The following RPS6KA2 variants were observed in gnomAD, a reference collection of about 807,000 sequenced individuals.
RPS6KA2 encodes the protein ribosomal protein S6 kinase alpha-2.
In RPS6KA2, 42 loss-of-function variants were observed where a neutral mutation model predicts 91.8. The observed-to-expected ratio is 0.46, with a 90% CI of 0.36 to 0.59. The LOEUF (loss-of-function observed/expected upper bound fraction) is 0.59. Among genes scored for constraint, RPS6KA2 ranks in the 20% least tolerant of loss-of-function variants. RPS6KA2 has a pLI of 0.00. For missense variants in RPS6KA2, 798 were observed against 978.5 expected (o/e 0.82, Z 2.46); for synonymous variants, 414 against 393.6 (o/e 1.05, Z -0.61).
chr6:166,526,341 CTT>C (rs10616497), intron 3 of RPS6KA2, among the ~76,000 whole-genome samples: 1,865 of 101,482 alleles, frequency 0.018, 9 homozygotes, highest in African/African-American at 0.065. Flanking sequence ...GTTTATATGG[CTT>C]TTTTTTTTTT....
chr6:166,432,538 C>T (rs750910641), intron 14 of RPS6KA2, 48 bp from the exon 15 acceptor site: 9 of 1,196,550 alleles, frequency 7.5e-6, no homozygotes, highest in East Asian at 4.7e-5. Flanking sequence ...TTTAGGCTTT[C>T]GGGTGGTATC....
chr6:166,569,881 A>G (rs1446497159), intron 1 of RPS6KA2, among the ~76,000 whole-genome samples: 4 of 152,152 alleles, frequency 2.6e-5, no homozygotes, highest in African/African-American at 4.8e-5. Context: ...CAGCACTGAA[A>G]CTTACATCCC....
At chr6:166,473,341 C>A (rs866880036) in intron 10 of RPS6KA2, among the ~76,000 whole-genome samples, 170 of 152,178 alleles carry the variant, frequency 1.1e-3, no homozygotes, top group African/African-American at 3.9e-3. Flanking sequence ...CAGGCATGTG[C>A]CACTACACCT....
At chr6:166,856,745 A>G (rs982396312) in intron 2 of RPS6KA2, among the ~76,000 whole-genome samples, 2 of 152,234 alleles carry the variant, frequency 1.3e-5, no homozygotes, top group South Asian at 2.1e-4. Context: ...CTTTGGCCTT[A>G]TGAATTTGCT....
At chr6:166,697,961 G>C (rs1789403259) in intron 2 of RPS6KA2, among the ~76,000 whole-genome samples, 2 of 152,164 alleles carry the variant, frequency 1.3e-5, no homozygotes, top group Non-Finnish European at 2.9e-5. Context: ...AAGAAATACA[G>C]ACTGGCAGTA....
In RPS6KA2 at chr6:166,469,912, A is replaced by G. The variant is rs748022810; in HGVS notation, c.908-7T>C. On this transcript the variant is annotated splice_region_variant and splice_polypyrimidine_tract_variant and intron_variant, in intron 10 of 20. Transcript: ENST00000265678. Reference sequence around the variant, plus strand: ...ACTCCGTCAATGCCAGCACCTGTCAACAACACAGAAATGATCATCAGAACA... The same window carrying G: ...ACTCCGTCAATGCCAGCACCTGTCAGCAACACAGAAATGATCATCAGAACA... The G allele has an allele frequency of 6.2e-7, 1 of 1,612,872 alleles. No individual in the cohort carries two copies. The highest frequency in any genetic ancestry group is 1.3e-5 in the African/African-American group (1 of 74,920).
chr6:166,797,970 C>A (rs746334375), intron 2 of RPS6KA2, among the ~76,000 whole-genome samples: 69 of 152,164 alleles, frequency 4.5e-4, no homozygotes, highest in Admixed American at 5.2e-4. Context: ...TGAAAAAAAC[C>A]TTGATTTGTT....
chr6:166,468,856 T>TCCGCCTCAAA lies in RPS6KA2; in HGVS notation c.972+984_972+985insTTTGAGGCGG, dbSNP rs567161437. Among the ~76,000 whole-genome samples the TCCGCCTCAAA allele has an allele frequency of 2.7e-3, 308 of 112,098 alleles. 10 individuals carry two copies. Among genetic ancestry groups the TCCGCCTCAAA allele is most frequent in the Middle Eastern group, 4.9e-3 (1 of 206 alleles). 73.5% of individuals were successfully genotyped at this position (112,098 alleles called of 152,430 possible). ...TCCAGCCTGGGCGACAGAGCGAGAC[T>TCCGCCTCAAA]AAAAAAAAAAAAAAAAAGAAGACAG... is the stretch of plus-strand genomic sequence containing the variant. On this transcript the variant is annotated intron_variant, in intron 11 of 20. Coordinates refer to ENST00000265678, the MANE Select transcript of RPS6KA2 (RefSeq NM_021135.6).
intron 10 of RPS6KA2, among the ~76,000 whole-genome samples, chr6:166,479,689 A>G (rs933295346): frequency 7.9e-5 from 12 of 152,216 alleles, no homozygotes; most frequent in Non-Finnish European, 1.6e-4. Flanking sequence ...AAAATAATAC[A>G]TATTGGCAGA....
At chr6:166,762,398 G>A (rs1400893714) in intron 2 of RPS6KA2, among the ~76,000 whole-genome samples, 2 of 152,216 alleles carry the variant, frequency 1.3e-5, no homozygotes, top group Non-Finnish European at 2.9e-5. Context: ...GCATATGTGT[G>A]TGTGTGTGCA....
At chr6:166,534,806 G>C (rs1463625525) in intron 2 of RPS6KA2, among the ~76,000 whole-genome samples, 1 of 152,246 alleles carries the variant, frequency 6.6e-6, no homozygotes, top group Non-Finnish European at 1.5e-5. Flanking sequence ...TCTCTGTGGG[G>C]CCAGGTACTG....
chr6:166,824,633 GTGTC>G (rs1779987609), intron 2 of RPS6KA2, among the ~76,000 whole-genome samples: 1 of 118,598 alleles, frequency 8.4e-6, no homozygotes, highest in African/African-American at 2.8e-5. Flanking sequence ...GTCTATGTGG[GTGTC>G]TGTATGTCTG....
At chr6:166,436,710 C>G (rs1360830913) in intron 14 of RPS6KA2, among the ~76,000 whole-genome samples, 1 of 152,236 alleles carries the variant, frequency 6.6e-6, no homozygotes, top group African/African-American at 2.4e-5. Context: ...CTCTGAGGCA[C>G]AGGGCAGCGA....
At chr6:166,743,255 A>G (rs1269775390) in intron 2 of RPS6KA2, among the ~76,000 whole-genome samples, 1 of 152,236 alleles carries the variant, frequency 6.6e-6, no homozygotes, top group Non-Finnish European at 1.5e-5. Context: ...AGGATGGGCT[A>G]TGAAAACTCA....
chr6:166,412,522 G>A lies in RPS6KA2; in HGVS notation c.*240C>T, dbSNP rs41269589. 2.0e-3 allele frequency: 752 copies of A among 384,470 alleles called. 3 individuals carry two copies. Among genetic ancestry groups the A allele is most frequent in the Non-Finnish European group, 2.8e-3 (597 of 213,760 alleles). The allele number at this position is 384,470 out of a possible 1,614,324, so 23.8% of individuals were successfully genotyped here. ...GCACGGGCACGCGAGGTGAAGGGGC[G>A]CATTTGGTTTCGCTTGGGAGAAAAG... On this transcript the variant is annotated 3_prime_UTR_variant, in exon 21 of 21. Coordinates refer to ENST00000265678, the MANE Select transcript of RPS6KA2 (RefSeq NM_021135.6). The surrounding 1 kb of genome is among the most constrained non-coding windows in gnomAD (Gnocchi z 4.3).
At chr6:166,858,174 G>C in intron 2 of RPS6KA2, 1 of 1,363,038 alleles carries the variant, frequency 7.3e-7, no homozygotes, top group Non-Finnish European at 1.1e-6. Context: ...AAACAAAGCA[G>C]AGTGTAATAA....
chr6:166,549,144 T>C (rs1783918028), intron 1 of RPS6KA2, among the ~76,000 whole-genome samples: 1 of 152,084 alleles, frequency 6.6e-6, no homozygotes, highest in Non-Finnish European at 1.5e-5. Context: ...CCATCAGAAT[T>C]GCTAAAATAA....
intron 1 of RPS6KA2, among the ~76,000 whole-genome samples, chr6:166,583,026 T>G (rs1785067979): frequency 6.6e-6 from 1 of 152,236 alleles, no homozygotes; most frequent in African/African-American, 2.4e-5. Context: ...TTGACTGCTT[T>G]TATTCATAAT....
intron 2 of RPS6KA2, among the ~76,000 whole-genome samples, chr6:166,694,777 GC>G (rs1316600372): frequency 1.3e-5 from 2 of 152,176 alleles, no homozygotes; most frequent in African/African-American, 4.8e-5. Flanking sequence ...AATGACCTGA[GC>G]CCTTACTGCA....
Sources: allele counts gnomAD v4.1 joint callset (sites outside exome capture counted in the v4.1 genomes callset), GRCh38; gene constraint gnomAD v4.1.1; non-coding constraint Gnocchi (gnomAD v3.1); transcripts MANE v1.5; gene names NCBI Gene and HGNC (gene_info 2026-07-23, HGNC 2026-07-21).